The following USP6NL variants were observed in gnomAD, a reference collection of about 807,000 sequenced individuals.
USP6NL encodes the protein USP6 N-terminal-like protein.
A neutral mutation model predicts 61.9 loss-of-function variants in USP6NL; 26 were observed. The observed-to-expected ratio is 0.42, with a 90% confidence interval of 0.31 to 0.58. The LOEUF (loss-of-function observed/expected upper bound fraction) is 0.58. USP6NL is among the 20% of genes least tolerant of loss of function. The probability of loss-of-function intolerance (pLI) is 0.16; values close to 1 mark genes in which losing one functional copy is unlikely to be tolerated. For missense variants in USP6NL, 1,114 were observed against 1,034.3 expected, an observed-to-expected ratio of 1.08 and a Z score of -1.06; for synonymous variants, 432 against 390.1, an observed-to-expected ratio of 1.11 and a Z score of -1.27.
At chr10:11,471,965 TAA>T (rs543232536) in intron 14 of USP6NL, among the ~76,000 whole-genome samples, 22 of 137,756 alleles carry the variant, frequency 1.6e-4, no homozygotes, top group Admixed American at 1.5e-4. Context: ...CCCTAAAACT[TAA>T]AAAAAAAAAA....
chr10:11,497,041 T>C (rs896235697), intron 7 of USP6NL, among the ~76,000 whole-genome samples: 1 of 151,912 alleles, frequency 6.6e-6, no homozygotes, highest in Non-Finnish European at 1.5e-5. Context: ...TCAGAAGATA[T>C]TATAAAAATT....
intron 1 of USP6NL, among the ~76,000 whole-genome samples, chr10:11,610,896 T>C (rs1197442963): frequency 6.6e-6 from 1 of 152,124 alleles, no homozygotes; most frequent in African/African-American, 2.4e-5. Flanking sequence ...GCATTACAAA[T>C]GCCGCACCAG....
At chr10:11,560,528 C>A (rs573282186) in intron 2 of USP6NL, among the ~76,000 whole-genome samples, 8 of 151,776 alleles carry the variant, frequency 5.3e-5, no homozygotes, top group Admixed American at 3.9e-4. Flanking sequence ...ATGCTACCCC[C>A]CTCCTTTCCT....
In USP6NL at chr10:11,510,182, T is replaced by C. The variant is rs1337602617; in HGVS notation, c.196-507A>G. 6.6e-6 allele frequency among the ~76,000 whole-genome samples: 1 copy of C among 152,124 alleles called. No homozygotes were observed. The highest frequency in any genetic ancestry group is 1.5e-5 in the Non-Finnish European group (1 of 68,024). ...TAAAAAAAATAAAACTAAGTACTAGTTGCTGCCCTAAAGAAATTTGACCAG... is the reference window on the plus strand; with the variant it reads ...TAAAAAAAATAAAACTAAGTACTAGCTGCTGCCCTAAAGAAATTTGACCAG... On this transcript the variant is annotated intron_variant, in intron 5 of 14. Transcript: ENST00000609104. The surrounding 1 kb of genome is among the most constrained non-coding windows in gnomAD (Gnocchi z 4.8).
chr10:11,572,562 G>A (rs1837401519), intron 2 of USP6NL, among the ~76,000 whole-genome samples: 1 of 151,374 alleles, frequency 6.6e-6, no homozygotes, highest in Non-Finnish European at 1.5e-5. Context: ...ACTATTTTAT[G>A]TATCACAATT....
In USP6NL at chr10:11,495,153, A is replaced by G. The variant is rs894562726; in HGVS notation, c.385-1925T>C. On this transcript the variant is annotated intron_variant, in intron 7 of 14. Coordinates refer to ENST00000609104, the MANE Select transcript of USP6NL (RefSeq NM_014688.5). The surrounding 1 kb of genome is among the most constrained non-coding windows in gnomAD (Gnocchi z 4.6). ...TCTGGTGGCCCTGTCCGGGCATAAC[A>G]GAAGGTTCGCACTCTTGTCTTCTGG... 5.9e-5 allele frequency among the ~76,000 whole-genome samples: 9 copies of G among 152,234 alleles called. No homozygotes were observed. Among genetic ancestry groups the G allele is most frequent in the African/African-American group, 1.9e-4 (8 of 41,466 alleles).
chr10:11,586,431 T>C (rs1312775349), intron 2 of USP6NL, among the ~76,000 whole-genome samples: 2 of 149,940 alleles, frequency 1.3e-5, no homozygotes, highest in African/African-American at 4.9e-5. Context: ...AAGTAAGTTA[T>C]GATGAGTCAT....
Position 11,510,690 on chromosome 10 carries a change from GA to G in USP6NL, c.196-1016del, listed in dbSNP as rs1415192996. Among the ~76,000 whole-genome samples the G allele has an allele frequency of 6.6e-6, 1 of 152,222 alleles. No individual in the cohort carries two copies. The highest frequency in any genetic ancestry group is 1.9e-4 in the East Asian group (1 of 5,204). ...TGAAAATACAAGTCTACTCAGAAAA[GA>G]AAATCATTCTGAGGATACATTTTAT... On this transcript the variant is annotated intron_variant, in intron 5 of 14. Coordinates refer to ENST00000609104, the MANE Select transcript of USP6NL (RefSeq NM_014688.5). The surrounding 1 kb of genome is among the most constrained non-coding windows in gnomAD (Gnocchi z 4.8).
At chr10:11,486,624 G>C (rs748052849) in intron 10 of USP6NL, among the ~76,000 whole-genome samples, 2 of 152,166 alleles carry the variant, frequency 1.3e-5, no homozygotes, top group Non-Finnish European at 2.9e-5. Flanking sequence ...CAGACTTGAT[G>C]ATTCTTCTAC....
intron 2 of USP6NL, among the ~76,000 whole-genome samples, chr10:11,579,921 T>C (rs1837684186): frequency 7.0e-6 from 1 of 143,392 alleles, no homozygotes; most frequent in East Asian, 2.3e-4. Context: ...ATATGACCCA[T>C]AGGCTGTAGT....
rs564423252 is a variant in USP6NL, at chr10:11,535,945, T to C, written c.5-8378A>G. ...TAAACACCATTGATAAAAATGCCAT[T>C]ATAATTTTGCCATGCTCTAGATCCA... On this transcript the variant is annotated intron_variant, in intron 2 of 14. Transcript: ENST00000609104. Among the ~76,000 whole-genome samples, 27 of 152,346 alleles carry C rather than the reference T, an allele frequency of 1.8e-4. No individual in the cohort carries two copies. In the East Asian group the frequency reaches 4.6e-3, roughly 26 times the overall value.
chr10:11,486,158 TAA>T (rs3057313), intron 10 of USP6NL, among the ~76,000 whole-genome samples: 11,537 of 139,762 alleles, frequency 0.083, 623 homozygotes, highest in East Asian at 0.17. Flanking sequence ...AGGGAAACCT[TAA>T]AAAAAAAAAA....
intron 1 of USP6NL, among the ~76,000 whole-genome samples, chr10:11,604,151 C>A (rs1436903994): frequency 6.6e-6 from 1 of 152,102 alleles, no homozygotes; most frequent in African/African-American, 2.4e-5. Context: ...AAAGAGTGTG[C>A]TGGTAAACTA....
intron 2 of USP6NL, among the ~76,000 whole-genome samples, chr10:11,527,800 A>C (rs1006482299): frequency 6.6e-6 from 1 of 152,218 alleles, no homozygotes; most frequent in African/African-American, 2.4e-5. Flanking sequence ...GGACATGATA[A>C]ATCTTATCCT....
chr10:11,528,448 A>G lies in USP6NL; in HGVS notation c.5-881T>C, dbSNP rs963574062. On this transcript the variant is annotated intron_variant, in intron 2 of 14. Transcript: ENST00000609104. The surrounding 1 kb of genome is among the most constrained non-coding windows in gnomAD (Gnocchi z 4.6). Reference sequence around the variant, plus strand: ...AGATAGTAAGATACTGCCAGGCAGCAAATACTGTGCTAATAAGCACTTTAC... The same window carrying G: ...AGATAGTAAGATACTGCCAGGCAGCGAATACTGTGCTAATAAGCACTTTAC... 3.3e-5 allele frequency among the ~76,000 whole-genome samples: 5 copies of G among 152,172 alleles called. No homozygotes were observed. The highest frequency in any genetic ancestry group is 7.3e-5 in the Non-Finnish European group (5 of 68,034).
chr10:11,577,503 T>C (rs752361489), intron 2 of USP6NL, among the ~76,000 whole-genome samples: 15 of 152,140 alleles, frequency 9.9e-5, no homozygotes, highest in Non-Finnish European at 2.1e-4. Context: ...GTTTTTTTGT[T>C]TGTTTGTTTT....
Position 11,481,959 on chromosome 10 carries a change from A to ATAGC in USP6NL, c.926-41_926-38dup, listed in dbSNP as rs1436956905. ...TAAGAGAAATGAAAATGCCAAGTCA[A>ATAGC]TAGCTACTTTAGGTAGGAAGATATT... is the stretch of plus-strand genomic sequence containing the variant. On this transcript the variant is annotated intron_variant, in intron 13 of 14. Transcript: ENST00000609104. The surrounding 1 kb of genome is among the most constrained non-coding windows in gnomAD (Gnocchi z 4.4). 1 of 1,567,872 alleles carries ATAGC rather than the reference A, an allele frequency of 6.4e-7. No individual in the cohort carries two copies. Among genetic ancestry groups the ATAGC allele is most frequent in the African/African-American group, 1.4e-5 (1 of 73,306 alleles).
chr10:11,609,210 G>C (rs941837237), intron 1 of USP6NL, among the ~76,000 whole-genome samples: 2 of 152,120 alleles, frequency 1.3e-5, no homozygotes, highest in Non-Finnish European at 2.9e-5. Context: ...GATTACAGCA[G>C]TGCACCACTA....
rs1833626817 is a variant in USP6NL at position 11,489,621 on chromosome 10, T to C, written c.544-399A>G. On this transcript the variant is annotated intron_variant, in intron 9 of 14. Transcript: ENST00000609104. This position sits in a 1 kb window ranked among gnomAD's most constrained non-coding sequence, Gnocchi z 5.7. ...TTGTCTCCTCTAGATTTCTGAACCC[T>C]TAAGCAGACACATCTTGGGATGCCC... is the stretch of plus-strand genomic sequence containing the variant. Among the ~76,000 whole-genome samples the C allele has an allele frequency of 6.6e-6, 1 of 152,226 alleles. No individual in the cohort carries two copies. The highest frequency in any genetic ancestry group is 2.4e-5 in the African/African-American group (1 of 41,448).
Sources: gnomAD v4.1 joint callset for allele counts (sites outside exome capture counted in the v4.1 genomes callset) on GRCh38, gnomAD v4.1.1 for gene constraint, Gnocchi (gnomAD v3.1) non-coding constraint, MANE v1.5 for transcripts, NCBI Gene and HGNC (gene_info 2026-07-23, HGNC 2026-07-21) for gene names.